Variants in ASXL1 observed in about 807,000 individuals in gnomAD.
The protein encoded by ASXL1 is polycomb group protein ASXL1.
In ASXL1, 65 loss-of-function variants were observed where a neutral mutation model predicts 89.1. The observed-to-expected ratio is 0.73, with a 90% CI of 0.60 to 0.90. ASXL1 has a LOEUF of 0.90. Among genes scored for constraint, ASXL1 ranks in the 40% least tolerant of loss-of-function variants. The pLI is 0.00. For synonymous variants in ASXL1, 739 were observed against 746.9 expected, an observed-to-expected ratio of 0.99 and a Z score of 0.17; for missense variants, 1,786 against 1,942.9, an observed-to-expected ratio of 0.92 and a Z score of 1.52.
chr20:32,368,010 G>C (rs1029476571), intron 3 of ASXL1, among the ~76,000 whole-genome samples: 1 of 152,156 alleles, frequency 6.6e-6, no homozygotes, highest in Non-Finnish European at 1.5e-5. Context: ...CATCCAGTGT[G>C]TTCCAAGGCA....
intron 4 of ASXL1, among the ~76,000 whole-genome samples, chr20:32,376,725 C>T (rs912732387): frequency 6.7e-6 from 1 of 150,370 alleles, no homozygotes; most frequent in Non-Finnish European, 1.5e-5. Context: ...TTTTTCTCCT[C>T]CGTACTTGGA....
At chr20:32,404,618 G>A (rs1254231153) in intron 4 of ASXL1, among the ~76,000 whole-genome samples, 1 of 152,106 alleles carries the variant, frequency 6.6e-6, no homozygotes, top group Non-Finnish European at 1.5e-5. Context: ...TTTCTGATAT[G>A]TGTACCTTTT....
intron 12 of ASXL1, 171 bp downstream of exon 12, chr20:32,434,088 C>A: frequency 1.0e-6 from 1 of 974,736 alleles, no homozygotes. Context: ...AGGTTCTTTT[C>A]TTCCTCACTT....
Position 32,431,629 on chromosome 20 carries a change from A to G in ASXL1, c.929A>G (p.Asn310Ser), listed in dbSNP as rs2123238283. The G allele has an allele frequency of 6.2e-7, 1 of 1,613,902 alleles. No individual in the cohort carries two copies. Among genetic ancestry groups the G allele is most frequent in the Non-Finnish European group, 8.5e-7 (1 of 1,179,988 alleles). Residue 310 changes from asparagine to serine, a missense_variant, in exon 10 of 13, where the codon AAC (asparagine) becomes AGC (serine). Asn to Ser is a conservative substitution (Grantham distance 46). Coordinates refer to ENST00000375687, the MANE Select transcript of ASXL1 (RefSeq NM_015338.6). Reference protein sequence around the residue: ...LLRLSSSALNNEFFTHAAQSW... With the variant: ...LLRLSSSALNSEFFTHAAQSW... ...CGTCTCAGCAGCAGTGCACTAAATAACGAGTTTTTTACCCATGCGGCTCAG... is the reference window on the plus strand; with the variant it reads ...CGTCTCAGCAGCAGTGCACTAAATAGCGAGTTTTTTACCCATGCGGCTCAG...
chr20:32,365,990 A>G (rs557378472), intron 1 of ASXL1, among the ~76,000 whole-genome samples: 12 of 152,044 alleles, frequency 7.9e-5, no homozygotes, highest in East Asian at 3.9e-4. Context: ...GTGTGTGTGT[A>G]TATATATATA....
intron 4 of ASXL1, among the ~76,000 whole-genome samples, chr20:32,425,107 G>A (rs906775976): frequency 1.3e-5 from 2 of 152,282 alleles, no homozygotes; most frequent in African/African-American, 4.8e-5. Flanking sequence ...TTTCACAAAC[G>A]GAATCATCAA....
chr20:32,434,244 C>T, intron 12 of ASXL1, 188 bp from the exon 13 acceptor site: 1 of 801,580 alleles, frequency 1.2e-6, no homozygotes, highest in Non-Finnish European at 2.0e-6. Flanking sequence ...TATAACAGCC[C>T]TTGAGCAGAA....
At chr20:32,363,465 G>A (rs1339034517) in intron 1 of ASXL1, among the ~76,000 whole-genome samples, 3 of 152,142 alleles carry the variant, frequency 2.0e-5, no homozygotes, top group African/African-American at 7.2e-5. Flanking sequence ...GGTCTTCTGG[G>A]GATGAAGAAG....
At chr20:32,365,683 A>G (rs558423748) in intron 1 of ASXL1, among the ~76,000 whole-genome samples, 3 of 152,328 alleles carry the variant, frequency 2.0e-5, no homozygotes, top group East Asian at 3.9e-4. Flanking sequence ...AAAATACTGC[A>G]ATACTGCCAT....
intron 4 of ASXL1, among the ~76,000 whole-genome samples, chr20:32,423,426 G>C (rs907145597): frequency 1.3e-5 from 2 of 151,666 alleles, no homozygotes; most frequent in African/African-American, 4.8e-5. Context: ...TATTTAGTAG[G>C]GGGGGTTTCA....
chr20:32,422,071 G>T (rs2049265773), intron 4 of ASXL1, among the ~76,000 whole-genome samples: 1 of 150,002 alleles, frequency 6.7e-6, no homozygotes, highest in East Asian at 2.0e-4. Context: ...AGTAGAGACG[G>T]GGTTTCACCG....
Position 32,431,348 on chromosome 20 carries a change from A to C in ASXL1, c.746A>C (p.Glu249Ala). 6.2e-7 allele frequency: 1 copy of C among 1,614,214 alleles called. No homozygotes were observed. The highest frequency in any genetic ancestry group is 1.7e-5 in the Admixed American group (1 of 60,018). The change falls in exon 9 of 13, where the codon GAA (glutamate) becomes GCA (alanine). Residue 249 changes from glutamate (E) to alanine (A), a missense_variant. Around this residue, in one of 3 missense-constraint regions of ASXL1, gnomAD observed 332 missense variants for 449.7 expected, o/e 0.74. Coordinates refer to ENST00000375687, the MANE Select transcript of ASXL1 (RefSeq NM_015338.6). The part of the protein sequence containing the change: ...TGQMKRNRGE[E>A]IDFETPGSIL... The stretch of plus-strand genomic sequence containing the variant: ...CAAATGAAGCGCAACAGAGGGGAAG[A>C]AATAGATTTTGAGACACCTGGGTCC...
Position 32,362,535 on chromosome 20 carries a change from C to T in ASXL1, c.57+3703C>T, listed in dbSNP as rs565486226. 2.0e-5 allele frequency among the ~76,000 whole-genome samples: 3 copies of T among 152,304 alleles called. No homozygotes were observed. The East Asian group carries it at 5.8e-4, about 29-fold the overall frequency. On this transcript the variant is annotated intron_variant, in intron 1 of 12. Coordinates refer to ENST00000375687, the MANE Select transcript of ASXL1 (RefSeq NM_015338.6). ...CCTGTAGTCCCAGCTACTCGGGAGG[C>T]TGAGGCCGGAGAATGGCGTGAACGC...
chr20:32,404,635 T>G (rs539283963), intron 4 of ASXL1, among the ~76,000 whole-genome samples: 2 of 152,286 alleles, frequency 1.3e-5, no homozygotes, highest in African/African-American at 4.8e-5. Flanking sequence ...TTTTATTTCC[T>G]TTTCTTGCTT....
At position 32,428,340 on chromosome 20, in the gene ASXL1, C is replaced by T. The variant is rs1454605216; in HGVS notation, c.389C>T (p.Thr130Ile). 1 of 1,614,060 alleles carries T rather than the reference C, an allele frequency of 6.2e-7. No homozygotes were observed. The highest frequency in any genetic ancestry group is 1.3e-5 in the African/African-American group (1 of 74,922). Residue 130 changes from threonine to isoleucine, a missense_variant, in exon 6 of 13, where the codon ACA (threonine) becomes ATA (isoleucine). Transcript: ENST00000375687. ...SGENDVSLDE[T>I]SSNASCSTES... is the part of the protein sequence containing the mutation. ...TCTCTTCCAGTATCTCTTGATGAAA[C>T]ATCTTCGAACGCATCCTGTTCTACA...
In ASXL1 at chr20:32,438,273, C is replaced by T. The variant is rs1025899861; in HGVS notation, c.*935C>T. 2 of 233,488 alleles carry T rather than the reference C, an allele frequency of 8.6e-6. No homozygotes were observed. The highest frequency in any genetic ancestry group is 1.7e-5 in the Non-Finnish European group (2 of 117,978). The allele number at this position is 233,488 out of a possible 1,614,324, so 14.5% of individuals were successfully genotyped here. A position where few individuals can be genotyped will look rare whatever the true frequency, so the allele number is the denominator to read the frequency against. ...TTCTGTAAGTATGCTCTATGCACCT[C>T]TAATGTTTTATCATGTATTTATATG... On this transcript the variant is annotated 3_prime_UTR_variant, in exon 13 of 13. Coordinates refer to ENST00000375687, the MANE Select transcript of ASXL1 (RefSeq NM_015338.6).
chr20:32,363,523 C>G (rs1039074277), intron 1 of ASXL1, among the ~76,000 whole-genome samples: 2 of 152,228 alleles, frequency 1.3e-5, no homozygotes, highest in African/African-American at 4.8e-5. Context: ...TACGTGTTAT[C>G]ATAGTTGTAT....
chr20:32,426,621 G>A lies in ASXL1; in HGVS notation c.253-1507G>A, dbSNP rs555306228. ...TGTCGCCAGGCTGGAGTGCAGTGGC[G>A]TAATCTCAGCTCACTGCATCCTCCA... On this transcript the variant is annotated intron_variant, in intron 4 of 12. Transcript: ENST00000375687. Among the ~76,000 whole-genome samples the A allele has an allele frequency of 2.9e-5, 4 of 138,150 alleles. No individual in the cohort carries two copies. The South Asian group carries it at 6.8e-4, about 24-fold the overall frequency. 90.6% of individuals were successfully genotyped at this position (138,150 alleles called of 152,430 possible). A position where few individuals can be genotyped will look rare whatever the true frequency, so the allele number is the denominator to read the frequency against.
chr20:32,421,715 C>G (rs2049253359), intron 4 of ASXL1, among the ~76,000 whole-genome samples: 1 of 152,006 alleles, frequency 6.6e-6, no homozygotes. Flanking sequence ...AGATGAATAG[C>G]ATAAACAGGC....
Sources: allele counts gnomAD v4.1 joint callset (sites outside exome capture counted in the v4.1 genomes callset), GRCh38; gene constraint gnomAD v4.1.1; regional missense constraint gnomAD v4.1.1; transcripts MANE v1.5; gene names NCBI Gene and HGNC (gene_info 2026-07-23, HGNC 2026-07-21).